Variants in GRXCR1 observed in about 807,000 individuals in gnomAD.
GRXCR1 encodes the protein glutaredoxin domain-containing cysteine-rich protein 1.
A neutral mutation model predicts 27.3 loss-of-function variants in GRXCR1; 27 were observed. The observed-to-expected ratio is 0.99, with a 90% CI of 0.73 to 1.37. GRXCR1 has a LOEUF of 1.37. Among genes scored for constraint, GRXCR1 ranks in the 40% most tolerant of loss-of-function variants. GRXCR1 has a pLI of 0.00. For missense variants in GRXCR1, 379 were observed against 354.4 expected, an observed-to-expected ratio of 1.07 and a Z score of -0.56; for synonymous variants, 122 against 131.1, an observed-to-expected ratio of 0.93 and a Z score of 0.47.
rs747414733 is a variant in GRXCR1 at position 43,020,482 on chromosome 4, T to C, written c.693+63T>C. ...AATATTAAACACATTCTGATTATAA[T>C]TGAGTTTTCCTAATTGAATTCTCTC... On this transcript the variant is annotated intron_variant, in intron 3 of 3. Transcript: ENST00000399770. The C allele has an allele frequency of 2.8e-4, 292 of 1,047,618 alleles. 3 individuals are homozygous for C. Among genetic ancestry groups the C allele is most frequent in the Middle Eastern group, 1.8e-3 (7 of 3,926 alleles). 64.9% of individuals were successfully genotyped at this position (1,047,618 alleles called of 1,614,324 possible).
intron 2 of GRXCR1, among the ~76,000 whole-genome samples, chr4:42,996,018 A>G (rs1712145340): frequency 6.6e-6 from 1 of 152,206 alleles, no homozygotes; most frequent in African/African-American, 2.4e-5. Context: ...TCATTATGCT[A>G]CTTTATCACA....
At chr4:43,012,104 A>G (rs1226742691) in intron 2 of GRXCR1, among the ~76,000 whole-genome samples, 1 of 152,156 alleles carries the variant, frequency 6.6e-6, no homozygotes, top group Non-Finnish European at 1.5e-5. Context: ...TATCCATTTC[A>G]TCCCAGAAAA....
intron 2 of GRXCR1, among the ~76,000 whole-genome samples, chr4:42,967,559 G>T (rs1748277257): frequency 1.3e-5 from 2 of 151,888 alleles, no homozygotes; most frequent in African/African-American, 4.8e-5. Context: ...TCTGACAATT[G>T]TATCTGTGTC....
chr4:42,923,796 G>A (rs759916671), intron 1 of GRXCR1, among the ~76,000 whole-genome samples: 2 of 151,952 alleles, frequency 1.3e-5, no homozygotes, highest in African/African-American at 2.4e-5. Context: ...CTGCTCACTG[G>A]CCAAGCAACA....
chr4:43,029,808 G>A (rs571201293), intron 3 of GRXCR1, among the ~76,000 whole-genome samples: 1 of 152,188 alleles, frequency 6.6e-6, no homozygotes, highest in South Asian at 2.1e-4. Context: ...GTTAGGGTGG[G>A]TGAAGATTCT....
intron 1 of GRXCR1, among the ~76,000 whole-genome samples, chr4:42,931,244 T>C (rs954194101): frequency 1.3e-5 from 2 of 152,000 alleles, no homozygotes; most frequent in African/African-American, 4.8e-5. Context: ...AAATGTACAG[T>C]CAGTAAGTAA....
chr4:43,015,554 A>G (rs1350267510), intron 2 of GRXCR1, among the ~76,000 whole-genome samples: 2 of 152,130 alleles, frequency 1.3e-5, no homozygotes, highest in Non-Finnish European at 2.9e-5. Flanking sequence ...TATATTGTTT[A>G]GACTACTGTG....
At chr4:42,963,583 C>A (rs1748176705) in intron 2 of GRXCR1, among the ~76,000 whole-genome samples, 2 of 151,794 alleles carry the variant, frequency 1.3e-5, no homozygotes, top group South Asian at 4.1e-4. Flanking sequence ...GGGCCTGGAG[C>A]CAGAATTTTA....
intron 1 of GRXCR1, among the ~76,000 whole-genome samples, chr4:42,919,965 T>C (rs961243032): frequency 1.2e-4 from 19 of 152,244 alleles, no homozygotes; most frequent in Admixed American, 3.9e-4. Context: ...AGGATGTCTG[T>C]AGAGTTTCTG....
At chr4:42,933,451 G>T (rs1685851209) in intron 1 of GRXCR1, among the ~76,000 whole-genome samples, 1 of 151,924 alleles carries the variant, frequency 6.6e-6, no homozygotes, top group Non-Finnish European at 1.5e-5. Flanking sequence ...CAACTGTCAT[G>T]TTCAACAATG....
intron 2 of GRXCR1, among the ~76,000 whole-genome samples, chr4:42,983,065 T>G (rs992399427): frequency 1.2e-4 from 18 of 151,888 alleles, no homozygotes; most frequent in Non-Finnish European, 2.7e-4. Context: ...TTTAATTAGA[T>G]CCCATTTGTC....
chr4:42,960,962 C>T (rs1378500790), intron 1 of GRXCR1, among the ~76,000 whole-genome samples: 2 of 151,752 alleles, frequency 1.3e-5, no homozygotes, highest in East Asian at 1.9e-4. Flanking sequence ...TATTAAGCCT[C>T]GCATGCATTT....
At chr4:42,896,563 A>T (rs1001918232) in intron 1 of GRXCR1, among the ~76,000 whole-genome samples, 2 of 152,054 alleles carry the variant, frequency 1.3e-5, no homozygotes, top group Admixed American at 1.3e-4. Flanking sequence ...ACTCTCCCAG[A>T]GATAACAAGA....
chr4:42,926,709 C>G (rs777453230), intron 1 of GRXCR1, among the ~76,000 whole-genome samples: 15 of 151,892 alleles, frequency 9.9e-5, no homozygotes, highest in Non-Finnish European at 1.9e-4. Flanking sequence ...GACTTATGCT[C>G]TAATTGGGGA....
chr4:43,014,803 C>T (rs556863133), intron 2 of GRXCR1, among the ~76,000 whole-genome samples: 1 of 152,062 alleles, frequency 6.6e-6, no homozygotes, highest in Non-Finnish European at 1.5e-5. Context: ...GTGTTTACTC[C>T]AAAAACTGAA....
At chr4:43,020,736 C>A (rs550405605) in intron 3 of GRXCR1, among the ~76,000 whole-genome samples, 11 of 152,274 alleles carry the variant, frequency 7.2e-5, no homozygotes, top group African/African-American at 2.6e-4. Flanking sequence ...TAAAATTTTT[C>A]ATTGAAACAA....
chr4:42,953,156 C>T (rs1270843462), intron 1 of GRXCR1, among the ~76,000 whole-genome samples: 1 of 152,080 alleles, frequency 6.6e-6, no homozygotes, highest in South Asian at 2.1e-4. Context: ...TATACTTTCC[C>T]CCACCAAAAA....
chr4:42,982,199 TC>T (rs993172239), intron 2 of GRXCR1, among the ~76,000 whole-genome samples: 1 of 132,208 alleles, frequency 7.6e-6, no homozygotes, highest in African/African-American at 2.8e-5. Context: ...ATGCTATCCC[TC>T]CCCCCTCCCC....
At chr4:42,991,241 C>T (rs1711963963) in intron 2 of GRXCR1, among the ~76,000 whole-genome samples, 1 of 151,828 alleles carries the variant, frequency 6.6e-6, no homozygotes, top group Non-Finnish European at 1.5e-5. Flanking sequence ...TGGTTCGTCT[C>T]TTTTGTAAAC....
Sources: gnomAD v4.1 joint callset for allele counts (sites outside exome capture counted in the v4.1 genomes callset) on GRCh38, gnomAD v4.1.1 for gene constraint, MANE v1.5 for transcripts, NCBI Gene and HGNC (gene_info 2026-07-23, HGNC 2026-07-21) for gene names.